The following CHSY3 variants were observed in gnomAD, a reference collection of about 807,000 sequenced individuals.
The protein encoded by CHSY3 is N-acetylgalactosaminyl-proteoglycan 3-beta-glucuronosyltransferase 3.
CHSY3 carries 35 observed loss-of-function variants against 67.2 expected under a neutral mutation model. The ratio of observed to expected loss-of-function variants is 0.52; its 90% confidence interval spans 0.40 to 0.69. The LOEUF (loss-of-function observed/expected upper bound fraction) is 0.69, where lower values mean the gene tolerates loss of function less well. Among genes scored for constraint, CHSY3 ranks in the 30% least tolerant of loss-of-function variants. The pLI, the probability that CHSY3 is intolerant of heterozygous loss-of-function variation, is 0.00. For synonymous variants in CHSY3, 474 were observed against 434.7 expected (o/e 1.09, Z -1.12); for missense variants, 1,069 against 1,138.5 (o/e 0.94, Z 0.88).
intron 2 of CHSY3, among the ~76,000 whole-genome samples, chr5:130,173,897 A>C (rs1271434010): frequency 6.6e-6 from 1 of 151,920 alleles, no homozygotes; most frequent in African/African-American, 2.4e-5. Context: ...TCTTACTTTT[A>C]ATATCTGCAG....
In CHSY3 at chr5:130,020,422, AATATATATATATATAT is replaced by A. The variant is rs1174657766; in HGVS notation, c.1086+112087_1086+112102del. ...GCAACAAAGCAAGACTTCATCTCAA[AATATATATATATATAT>A]ATATATATATATATATATATATATT... On this transcript the variant is annotated intron_variant, in intron 2 of 2. Transcript: ENST00000305031. 3.6e-3 allele frequency among the ~76,000 whole-genome samples: 119 copies of A among 33,362 alleles called. 1 individual carries two copies. The highest frequency in any genetic ancestry group is 6.0e-3 in the South Asian group (3 of 502). The allele number at this position is 33,362 out of a possible 152,430, so 21.9% of individuals were successfully genotyped here. A position where few individuals can be genotyped will look rare whatever the true frequency, so the allele number is the denominator to read the frequency against.
At position 130,115,629 on chromosome 5, in the gene CHSY3, A is replaced by G. The variant is rs147822767; in HGVS notation, c.1087-68600A>G. On this transcript the variant is annotated intron_variant, in intron 2 of 2. Transcript: ENST00000305031. ...TGTTTCTGTAGTATCTTATACTTCC[A>G]CAAGATCTTCTGTCCAAATCTGTTA... Among the ~76,000 whole-genome samples the G allele has an allele frequency of 9.3e-3, 1,416 of 152,308 alleles. 26 individuals are homozygous for G. Among genetic ancestry groups the G allele is most frequent in the African/African-American group, 0.033 (1,354 of 41,558 alleles).
intron 2 of CHSY3, among the ~76,000 whole-genome samples, chr5:129,959,071 G>T (rs1418376462): frequency 6.6e-6 from 1 of 151,890 alleles, no homozygotes; most frequent in African/African-American, 2.4e-5. Flanking sequence ...AAGTGAATAT[G>T]CTCTCTTTAG....
At chr5:129,953,729 A>G (rs1185885601) in intron 2 of CHSY3, among the ~76,000 whole-genome samples, 1 of 152,162 alleles carries the variant, frequency 6.6e-6, no homozygotes, top group African/African-American at 2.4e-5. Context: ...TCTAATGACC[A>G]GTGATGATGA....
intron 2 of CHSY3, among the ~76,000 whole-genome samples, chr5:129,968,278 C>T (rs922441411): frequency 3.3e-5 from 5 of 151,732 alleles, no homozygotes; most frequent in African/African-American, 1.2e-4. Flanking sequence ...CCCTGTTTTC[C>T]ATTTTATCTG....
intron 2 of CHSY3, among the ~76,000 whole-genome samples, chr5:129,976,716 T>G (rs1762817802): frequency 6.6e-6 from 1 of 152,026 alleles, no homozygotes; most frequent in South Asian, 2.1e-4. Flanking sequence ...AACTGGCTAC[T>G]CTGGCATTTT....
chr5:129,951,559 C>T (rs1478530441), intron 2 of CHSY3, among the ~76,000 whole-genome samples: 5 of 152,068 alleles, frequency 3.3e-5, no homozygotes, highest in South Asian at 4.1e-4. Flanking sequence ...TGAGTAATAA[C>T]ATTTAAGCAA....
At chr5:130,132,538 T>A (rs1768516688) in intron 2 of CHSY3, among the ~76,000 whole-genome samples, 1 of 152,178 alleles carries the variant, frequency 6.6e-6, no homozygotes, top group Admixed American at 6.5e-5. Context: ...TAAGCCACAG[T>A]GACAAAATCT....
chr5:129,921,814 T>G (rs1263674478), intron 2 of CHSY3, among the ~76,000 whole-genome samples: 1 of 152,212 alleles, frequency 6.6e-6, no homozygotes, highest in Non-Finnish European at 1.5e-5. Context: ...ATCTGTCATC[T>G]CAGGCCTTTT....
intron 2 of CHSY3, among the ~76,000 whole-genome samples, chr5:130,035,617 G>A (rs991614640): frequency 1.3e-5 from 2 of 152,098 alleles, no homozygotes; most frequent in African/African-American, 2.4e-5. Context: ...GCAGAAATGA[G>A]CCAACCTCTG....
At chr5:130,150,812 A>G (rs1769214672) in intron 2 of CHSY3, among the ~76,000 whole-genome samples, 1 of 152,158 alleles carries the variant, frequency 6.6e-6, no homozygotes, top group Middle Eastern at 3.2e-3. Flanking sequence ...CTGAATCTCT[A>G]TGAAGGAATA....
intron 2 of CHSY3, among the ~76,000 whole-genome samples, chr5:129,990,015 C>T (rs973855322): frequency 2.6e-5 from 4 of 151,806 alleles, no homozygotes; most frequent in African/African-American, 9.7e-5. Context: ...GTTTGTGGAC[C>T]CCTGATCTAA....
At chr5:130,035,142 T>C (rs1764829542) in intron 2 of CHSY3, among the ~76,000 whole-genome samples, 2 of 152,068 alleles carry the variant, frequency 1.3e-5, no homozygotes. Flanking sequence ...ATTAGGAATA[T>C]ACTAAAACAA....
At chr5:129,922,435 A>G (rs76974845) in intron 2 of CHSY3, among the ~76,000 whole-genome samples, 3,568 of 152,296 alleles carry the variant, frequency 0.023, 130 homozygotes, top group African/African-American at 0.079. Flanking sequence ...TGGCTATTCT[A>G]ATTTACATTC....
intron 2 of CHSY3, among the ~76,000 whole-genome samples, chr5:130,007,504 G>A (rs1186452186): frequency 2.0e-5 from 3 of 152,122 alleles, no homozygotes; most frequent in Non-Finnish European, 4.4e-5. Flanking sequence ...CCCATTCTTG[G>A]TCCTGTGTGC....
chr5:130,094,875 A>G (rs1766994959), intron 2 of CHSY3, among the ~76,000 whole-genome samples: 1 of 152,110 alleles, frequency 6.6e-6, no homozygotes, highest in African/African-American at 2.4e-5. Context: ...ATATATGCAT[A>G]TTAGTGAGGA....
intron 2 of CHSY3, among the ~76,000 whole-genome samples, chr5:130,166,980 G>A (rs1477006159): frequency 1.3e-5 from 2 of 152,026 alleles, no homozygotes; most frequent in Non-Finnish European, 2.9e-5. Flanking sequence ...AATTACTAAA[G>A]GTGGAGGTAA....
At chr5:130,020,448 TATATATA>T (rs1764345974) in intron 2 of CHSY3, among the ~76,000 whole-genome samples, 1 of 9,586 alleles carries the variant, frequency 1.0e-4, no homozygotes, top group African/African-American at 3.8e-4. Context: ...TATATATATA[TATATATA>T]TATATATTTT....
At chr5:130,125,724 C>T (rs1768259131) in intron 2 of CHSY3, among the ~76,000 whole-genome samples, 1 of 152,136 alleles carries the variant, frequency 6.6e-6, no homozygotes, top group African/African-American at 2.4e-5. Context: ...TTTGCCTGTA[C>T]ATCTGTTGAC....
Sources: allele counts gnomAD v4.1 joint callset (sites outside exome capture counted in the v4.1 genomes callset), GRCh38; gene constraint gnomAD v4.1.1; transcripts MANE v1.5; gene names NCBI Gene and HGNC (gene_info 2026-07-23, HGNC 2026-07-21).